DGKG: variants seen among roughly 807,000 people sequenced by gnomAD.
DGKG encodes diacylglycerol kinase gamma, also known as DAG kinase gamma.
Under a neutral mutation model 105.3 loss-of-function variants are expected in DGKG, and 78 were observed. The ratio of observed to expected loss-of-function variants is 0.74; its 90% CI spans 0.62 to 0.89. DGKG has a LOEUF of 0.89. DGKG is among the 40% of genes least tolerant of loss of function. The pLI is 0.00. For synonymous variants in DGKG, 346 were observed against 367.1 expected (o/e 0.94, Z 0.66); for missense variants, 958 against 1,020.1 (o/e 0.94, Z 0.83).
chr3:186,266,451 A>G (rs904538495), intron 13 of DGKG, among the ~76,000 whole-genome samples: 1 of 152,226 alleles, frequency 6.6e-6, no homozygotes, highest in African/African-American at 2.4e-5. Context: ...TGCTATGAGC[A>G]TTCTTGTGCA....
intron 23 of DGKG, among the ~76,000 whole-genome samples, chr3:186,163,281 C>T (rs1055559488): frequency 5.9e-5 from 9 of 152,188 alleles, no homozygotes; most frequent in Admixed American, 2.0e-4. Flanking sequence ...GTTGGGATTA[C>T]AGACGTGAGC....
Position 186,149,056 on chromosome 3 carries a change from T to A in DGKG, c.*1034A>T. The A allele has an allele frequency of 1.0e-6, 1 of 982,978 alleles. No individual in the cohort carries two copies. The highest frequency in any genetic ancestry group is 1.2e-6 in the Non-Finnish European group (1 of 829,444). 60.9% of individuals were successfully genotyped at this position (982,978 alleles called of 1,614,324 possible). On this transcript the variant is annotated 3_prime_UTR_variant, in exon 25 of 25. Coordinates refer to ENST00000265022, the MANE Select transcript of DGKG (RefSeq NM_001346.3). ...CACACACGTTAAGACCATCAGAAGG[T>A]CCTTCAGGTCATACTCTGGGAGTGG...
chr3:186,242,399 C>T (rs1215963802), intron 20 of DGKG, 105 bp downstream of exon 20: 14 of 912,366 alleles, frequency 1.5e-5, no homozygotes, highest in Non-Finnish European at 2.3e-5. Context: ...AAGGCCAAGT[C>T]CCCAGCGGCC....
At position 186,231,762 on chromosome 3, in the gene DGKG, T is replaced by TA. The variant is rs1333895862; in HGVS notation, c.1826+10741dup. Among the ~76,000 whole-genome samples, 2 of 151,738 alleles carry TA rather than the reference T, an allele frequency of 1.3e-5. No homozygotes were observed. Among genetic ancestry groups the TA allele is most frequent in the Non-Finnish European group, 2.9e-5 (2 of 67,922 alleles). On this transcript the variant is annotated intron_variant, in intron 20 of 24. Transcript: ENST00000265022. This position sits in a 1 kb window ranked among gnomAD's most constrained non-coding sequence, Gnocchi z 4.5. ...GGTGAAACCCGCTCTCTACTAAAAA[T>TA]ACAAAAAAATTAGCTGGGCATGGTG... is the stretch of plus-strand genomic sequence containing the variant.
Position 186,149,103 on chromosome 3 carries a change from G to A in DGKG, c.*987C>T, listed in dbSNP as rs114772681. On this transcript the variant is annotated 3_prime_UTR_variant, in exon 25 of 25. Coordinates refer to ENST00000265022, the MANE Select transcript of DGKG (RefSeq NM_001346.3). ...GTGGTGAGTGCAAAGAAGCAGGAGG[G>A]AACCGTCTCCTGGTTTCCCCAGCAA... 1,936 of 984,896 alleles carry A rather than the reference G, an allele frequency of 2.0e-3. 36 individuals carry two copies. In the African/African-American group the frequency reaches 0.029, roughly 15 times the overall value. 61.0% of individuals were successfully genotyped at this position (984,896 alleles called of 1,614,324 possible).
At chr3:186,161,205 C>CGGTGTGT in intron 24 of DGKG, 1 of 990,884 alleles carries the variant, frequency 1.0e-6, no homozygotes. Flanking sequence ...GATTTGGCTT[C>CGGTGTGT]CACGTAAGGA....
At chr3:186,225,496 C>A (rs931213364) in intron 20 of DGKG, among the ~76,000 whole-genome samples, 14 of 152,104 alleles carry the variant, frequency 9.2e-5, no homozygotes, top group African/African-American at 3.1e-4. Flanking sequence ...TCTTATGGGG[C>A]CTGGCAATGT....
intron 21 of DGKG, among the ~76,000 whole-genome samples, chr3:186,192,679 A>G (rs575388956): frequency 6.6e-6 from 1 of 152,290 alleles, no homozygotes; most frequent in African/African-American, 2.4e-5. Context: ...CCTACGCTGG[A>G]GATGAGTCAG....
chr3:186,267,566 A>G, intron 13 of DGKG, 119 bp downstream of exon 13: 2 of 779,386 alleles, frequency 2.6e-6, no homozygotes, highest in Non-Finnish European at 2.2e-6. Flanking sequence ...AGAAAAGAAA[A>G]CACAAACCCA....
chr3:186,240,543 C>T (rs112115127), intron 20 of DGKG, among the ~76,000 whole-genome samples: 10,709 of 152,268 alleles, frequency 0.07, 491 homozygotes, highest in Non-Finnish European at 0.11. Context: ...GGTGCAGTGG[C>T]TCAAGTCTGT....
At chr3:186,157,998 C>T (rs749956394) in intron 24 of DGKG, 9 of 206,968 alleles carry the variant, frequency 4.3e-5, no homozygotes, top group South Asian at 1.7e-4. Flanking sequence ...CCACCACGCC[C>T]GGCCTTGTTT....
In DGKG at chr3:186,253,811, G is replaced by A. The variant is rs1721334840; in HGVS notation, c.1511-629C>T. Among the ~76,000 whole-genome samples, 4 of 152,108 alleles carry A rather than the reference G, an allele frequency of 2.6e-5. No individual in the cohort carries two copies. The South Asian group carries it at 8.3e-4, about 32-fold the overall frequency. On this transcript the variant is annotated intron_variant, in intron 17 of 24. Coordinates refer to ENST00000265022, the MANE Select transcript of DGKG (RefSeq NM_001346.3). ...GGTATACAGATTAGTAAAACAGGTG[G>A]GGCTAGGACACTAGGGAATAGTGGG... is the stretch of plus-strand genomic sequence containing the variant.
chr3:186,164,048 C>CAG (rs1374654739), intron 23 of DGKG, among the ~76,000 whole-genome samples: 5 of 152,152 alleles, frequency 3.3e-5, no homozygotes, highest in African/African-American at 9.7e-5. Flanking sequence ...CTGAGGAATG[C>CAG]AGTGTGGTGC....
At chr3:186,339,128 TG>T (rs1725968557) in intron 1 of DGKG, among the ~76,000 whole-genome samples, 1 of 152,206 alleles carries the variant, frequency 6.6e-6, no homozygotes, top group Admixed American at 6.5e-5. Flanking sequence ...CCTATAAAGT[TG>T]GTTAAAATAA....
At chr3:186,273,720 G>A (rs537717771) in intron 10 of DGKG, among the ~76,000 whole-genome samples, 12 of 152,202 alleles carry the variant, frequency 7.9e-5, no homozygotes, top group African/African-American at 2.6e-4. Context: ...TGTGGACAGC[G>A]GGCCCAGCTC....
chr3:186,147,839 C>T lies in DGKG; in HGVS notation c.*2251G>A. On this transcript the variant is annotated 3_prime_UTR_variant, in exon 25 of 25. Transcript: ENST00000265022. ...CCTCAGTTTCAGAAACAAGTGGCTTCCAAGATAGTACCTGTAGTAATTCTG... is the reference window on the plus strand; with the variant it reads ...CCTCAGTTTCAGAAACAAGTGGCTTTCAAGATAGTACCTGTAGTAATTCTG... The T allele has an allele frequency of 1.0e-6, 1 of 985,396 alleles. No individual in the cohort carries two copies. The highest frequency in any genetic ancestry group is 4.7e-5 in the South Asian group (1 of 21,286). 61.0% of individuals were successfully genotyped at this position (985,396 alleles called of 1,614,324 possible). A position where few individuals can be genotyped will look rare whatever the true frequency, so the allele number is the denominator to read the frequency against.
intron 1 of DGKG, among the ~76,000 whole-genome samples, chr3:186,325,406 T>A (rs1042201588): frequency 3.9e-5 from 6 of 152,190 alleles, no homozygotes; most frequent in Admixed American, 6.5e-5. Flanking sequence ...GTTGAAATTT[T>A]AAAAAATCAG....
intron 3 of DGKG, among the ~76,000 whole-genome samples, chr3:186,299,501 T>A (rs956580651): frequency 6.6e-6 from 1 of 152,234 alleles, no homozygotes; most frequent in Non-Finnish European, 1.5e-5. Flanking sequence ...GAAGGAAGTC[T>A]GATTCAGCTG....
At chr3:186,255,271 A>C (rs1305612892) in intron 17 of DGKG, among the ~76,000 whole-genome samples, 1 of 152,212 alleles carries the variant, frequency 6.6e-6, no homozygotes, top group East Asian at 1.9e-4. Flanking sequence ...GTGGGCAAAA[A>C]AGCCGTGGCT....
Sources: allele counts gnomAD v4.1 joint callset (sites outside exome capture counted in the v4.1 genomes callset), GRCh38; gene constraint gnomAD v4.1.1; non-coding constraint Gnocchi (gnomAD v3.1); transcripts MANE v1.5; gene names NCBI Gene and HGNC (gene_info 2026-07-23, HGNC 2026-07-21).